SHC3: variants seen among roughly 807,000 people sequenced by gnomAD.
The protein encoded by SHC3 is SHC adaptor protein 3, also known as SHC-transforming protein 3.
Under a neutral mutation model 60.4 loss-of-function variants are expected in SHC3, and 15 were observed. The observed-to-expected ratio is 0.25, with a 90% CI of 0.17 to 0.38. The LOEUF (loss-of-function observed/expected upper bound fraction) is 0.38, where lower values mean the gene tolerates loss of function less well. Ranked by LOEUF, SHC3 falls within the 10% of genes least tolerant of loss-of-function variation. SHC3 has a pLI of 1.00. For synonymous variants in SHC3, 294 were observed against 325.9 expected (o/e 0.90, Z 1.05); for missense variants, 677 against 786.1 (o/e 0.86, Z 1.66).
At chr9:89,092,007 A>G (rs1825628793) in intron 2 of SHC3, among the ~76,000 whole-genome samples, 1 of 152,234 alleles carries the variant, frequency 6.6e-6, no homozygotes, top group Admixed American at 6.5e-5. Context: ...ATGGATGTGA[A>G]AAAGTGTTCA....
At chr9:89,014,277 C>A (rs1378276761) in intron 11 of SHC3, among the ~76,000 whole-genome samples, 2 of 152,224 alleles carry the variant, frequency 1.3e-5, no homozygotes, top group Admixed American at 6.5e-5. Flanking sequence ...GCCCTGCTTG[C>A]TGGCCTGCAC....
chr9:89,164,788 G>A (rs1826761742), intron 1 of SHC3, among the ~76,000 whole-genome samples: 1 of 152,050 alleles, frequency 6.6e-6, no homozygotes, highest in Admixed American at 6.6e-5. Context: ...TTCTTAACTT[G>A]TAAAAATGTA....
rs1168252215 is a variant in SHC3, at chr9:89,006,560, AAAC to A, written c.*6884_*6886del. 6.6e-6 allele frequency: 1 copy of A among 152,268 alleles called. No homozygotes were observed. The highest frequency in any genetic ancestry group is 1.5e-5 in the Non-Finnish European group (1 of 68,044). The allele number at this position is 152,268 out of a possible 1,614,324, so 9.4% of individuals were successfully genotyped here. A position where few individuals can be genotyped will look rare whatever the true frequency, so the allele number is the denominator to read the frequency against. Reference sequence around the variant, plus strand: ...TGTTTCACAAAAGTTAATGGAAACAAAACAACTTTCAGATAATATTCATTTGTC... The same window carrying A: ...TGTTTCACAAAAGTTAATGGAAACAAAACTTTCAGATAATATTCATTTGTC... On this transcript the variant is annotated 3_prime_UTR_variant, in exon 12 of 12. Transcript: ENST00000375835.
intron 1 of SHC3, among the ~76,000 whole-genome samples, chr9:89,159,184 T>G (rs1233597964): frequency 6.6e-6 from 1 of 152,222 alleles, no homozygotes; most frequent in Non-Finnish European, 1.5e-5. Flanking sequence ...AAAGATTAAA[T>G]TATCTCTTAG....
intron 4 of SHC3, among the ~76,000 whole-genome samples, chr9:89,072,194 C>A (rs6559339): frequency 0.9 from 137,513 of 152,222 alleles, 62,235 homozygotes; most frequent in East Asian, 0.98. Flanking sequence ...TTAAAATAGC[C>A]TCAATAAAAG....
At chr9:89,060,282 T>C (rs1053624588) in intron 6 of SHC3, among the ~76,000 whole-genome samples, 2 of 148,662 alleles carry the variant, frequency 1.3e-5, no homozygotes, top group East Asian at 2.0e-4. Flanking sequence ...TGGAGGACAG[T>C]GGCAGAGGAC....
At chr9:89,025,754 C>T (rs1455210090) in intron 11 of SHC3, among the ~76,000 whole-genome samples, 1 of 152,178 alleles carries the variant, frequency 6.6e-6, no homozygotes, top group Non-Finnish European at 1.5e-5. Flanking sequence ...AGATAGCAGG[C>T]CCTGAAAGAG....
chr9:89,061,000 C>T (rs1825080348), intron 6 of SHC3, among the ~76,000 whole-genome samples: 1 of 152,104 alleles, frequency 6.6e-6, no homozygotes, highest in Non-Finnish European at 1.5e-5. Context: ...CTGTGAGACT[C>T]CCAAGTGGAG....
intron 6 of SHC3, among the ~76,000 whole-genome samples, chr9:89,060,658 G>A (rs1587704108): frequency 6.6e-6 from 1 of 152,044 alleles, no homozygotes; most frequent in Non-Finnish European, 1.5e-5. Context: ...TCCTGTGGGT[G>A]TTGGGGGAAT....
rs537793480 is a variant in SHC3, at chr9:89,005,870, A to T, written c.*7577T>A. The T allele has an allele frequency of 2.0e-5, 3 of 152,370 alleles. No individual in the cohort carries two copies. The South Asian group carries it at 6.2e-4, about 32-fold the overall frequency. The allele number at this position is 152,370 out of a possible 1,614,324, so 9.4% of individuals were successfully genotyped here. On this transcript the variant is annotated 3_prime_UTR_variant, in exon 12 of 12. Transcript: ENST00000375835. ...GGTTGTTTCTCTCAACCCTTGAGCC[A>T]GTTATTCCACGCTGGTAAGACCCTT...
At chr9:89,167,998 CCT>C (rs1826814883) in intron 1 of SHC3, among the ~76,000 whole-genome samples, 1 of 152,320 alleles carries the variant, frequency 6.6e-6, no homozygotes, top group Admixed American at 6.5e-5. Context: ...GCCCCCACAC[CCT>C]GAGCCAGCTT....
chr9:89,172,566 C>T lies in SHC3; in HGVS notation c.474+5421G>A, dbSNP rs1028710859. On this transcript the variant is annotated intron_variant, in intron 1 of 11. Transcript: ENST00000375835. ...ACGAAGACACAGACACACACAGACA[C>T]ACACACACAGACACACACACACACA... 3.2e-5 allele frequency among the ~76,000 whole-genome samples: 4 copies of T among 123,204 alleles called. No individual in the cohort carries two copies. In the East Asian group the frequency reaches 7.8e-4, roughly 24 times the overall value. 80.8% of individuals were successfully genotyped at this position (123,204 alleles called of 152,430 possible). A position where few individuals can be genotyped will look rare whatever the true frequency, so the allele number is the denominator to read the frequency against.
At chr9:89,097,031 G>A (rs1204515387) in intron 2 of SHC3, among the ~76,000 whole-genome samples, 2 of 149,736 alleles carry the variant, frequency 1.3e-5, no homozygotes, top group Non-Finnish European at 3.0e-5. Flanking sequence ...GGTCAGGAGA[G>A]GATCTCAGCA....
rs76694852 is a variant in SHC3 at position 89,061,805 on chromosome 9, C to T, written c.835+3724G>A. Reference sequence around the variant, plus strand: ...CAGTCCTTCTCAGGACGTGAATCCTCGCTCTGTCCCAAGTATTCGCACTGC... The same window carrying T: ...CAGTCCTTCTCAGGACGTGAATCCTTGCTCTGTCCCAAGTATTCGCACTGC... On this transcript the variant is annotated intron_variant, in intron 6 of 11. Coordinates refer to ENST00000375835, the MANE Select transcript of SHC3 (RefSeq NM_016848.6). 2.6e-3 allele frequency among the ~76,000 whole-genome samples: 397 copies of T among 152,318 alleles called. 4 individuals are homozygous for T. In the Middle Eastern group the frequency reaches 0.037, roughly 14 times the overall value.
intron 2 of SHC3, among the ~76,000 whole-genome samples, chr9:89,082,476 A>C (rs1825460754): frequency 1.3e-5 from 2 of 152,194 alleles, no homozygotes; most frequent in Non-Finnish European, 2.9e-5. Context: ...ACATCGGTCC[A>C]TGGGGCCACC....
chr9:89,136,822 A>G (rs914835473), intron 1 of SHC3, among the ~76,000 whole-genome samples: 4 of 151,934 alleles, frequency 2.6e-5, no homozygotes, highest in African/African-American at 9.7e-5. Context: ...TCAGGTAACA[A>G]TATGGCTGGA....
At chr9:89,100,467 G>A (rs1013427661) in intron 2 of SHC3, among the ~76,000 whole-genome samples, 9 of 151,986 alleles carry the variant, frequency 5.9e-5, no homozygotes, top group African/African-American at 2.2e-4. Flanking sequence ...TCAAACTCCC[G>A]GCCTCAAGTG....
At chr9:89,126,531 G>A (rs1826168212) in intron 1 of SHC3, among the ~76,000 whole-genome samples, 1 of 152,216 alleles carries the variant, frequency 6.6e-6, no homozygotes, top group Non-Finnish European at 1.5e-5. Context: ...AAACTTGAGA[G>A]CTGATGGAAC....
At chr9:89,144,439 G>A (rs1040860416) in intron 1 of SHC3, among the ~76,000 whole-genome samples, 1 of 152,160 alleles carries the variant, frequency 6.6e-6, no homozygotes, top group Non-Finnish European at 1.5e-5. Flanking sequence ...TAACTCAGTA[G>A]CTCTGGGTGG....
Sources: allele counts gnomAD v4.1 joint callset (sites outside exome capture counted in the v4.1 genomes callset), GRCh38; gene constraint gnomAD v4.1.1; transcripts MANE v1.5; gene names NCBI Gene and HGNC (gene_info 2026-07-23, HGNC 2026-07-21).